The following DLGAP2 variants were observed in gnomAD, a reference collection of about 807,000 sequenced individuals.
The protein encoded by DLGAP2 is DLG associated protein 2.
A neutral mutation model predicts 100.3 loss-of-function variants in DLGAP2; 26 were observed. The ratio of observed to expected loss-of-function variants is 0.26; its 90% CI spans 0.19 to 0.36. The LOEUF (loss-of-function observed/expected upper bound fraction) is 0.36, where lower values mean the gene tolerates loss of function less well. Ranked by LOEUF, DLGAP2 falls within the 10% of genes least tolerant of loss-of-function variation. The pLI is 1.00. For synonymous variants in DLGAP2, 886 were observed against 630.1 expected (o/e 1.41, Z -6.08); for missense variants, 1,858 against 1,453.2 (o/e 1.28, Z -4.53).
intron 3 of DLGAP2, among the ~76,000 whole-genome samples, chr8:1,359,028 C>A (rs1471721309): frequency 6.6e-6 from 1 of 152,146 alleles, no homozygotes; most frequent in Non-Finnish European, 1.5e-5. Context: ...GACCCTGCCC[C>A]CAGAGCTTCG....
At position 1,304,228 on chromosome 8, in the gene DLGAP2, C is replaced by A. The variant is rs1330855585; in HGVS notation, c.106+45345C>A. Among the ~76,000 whole-genome samples the A allele has an allele frequency of 2.6e-5, 4 of 152,348 alleles. No homozygotes were observed. In the East Asian group the frequency reaches 7.7e-4, roughly 29 times the overall value. On this transcript the variant is annotated intron_variant, in intron 3 of 14. Transcript: ENST00000637795. ...GCTTTTGTGTCCACGCTGGACTCTT[C>A]CTGTAGGAGCCCTGAGCATGGGCTA... is the stretch of plus-strand genomic sequence containing the variant.
At chr8:1,010,481 A>G (rs1261082027) in intron 2 of DLGAP2, among the ~76,000 whole-genome samples, 2 of 152,352 alleles carry the variant, frequency 1.3e-5, no homozygotes, top group South Asian at 2.1e-4. Flanking sequence ...TGTGCACTCT[A>G]AAATACTACA....
At chr8:865,755 T>C (rs1453063698) in intron 1 of DLGAP2, among the ~76,000 whole-genome samples, 1 of 152,194 alleles carries the variant, frequency 6.6e-6, no homozygotes, top group African/African-American at 2.4e-5. Flanking sequence ...ATGGAGCCCT[T>C]TTCTCTCCTG....
intron 8 of DLGAP2, among the ~76,000 whole-genome samples, chr8:1,640,157 C>G (rs1339039093): frequency 6.6e-6 from 1 of 152,174 alleles, no homozygotes; most frequent in African/African-American, 2.4e-5. Context: ...CAAGGGGAAC[C>G]CATTTCTCTT....
chr8:1,186,737 C>T (rs1319426140), intron 2 of DLGAP2, among the ~76,000 whole-genome samples: 1 of 152,124 alleles, frequency 6.6e-6, no homozygotes, highest in Non-Finnish European at 1.5e-5. Context: ...GGGATAATTT[C>T]ACGTCGTCGC....
At chr8:1,108,431 G>A (rs1475534157) in intron 2 of DLGAP2, among the ~76,000 whole-genome samples, 1 of 152,198 alleles carries the variant, frequency 6.6e-6, no homozygotes, top group Non-Finnish European at 1.5e-5. Flanking sequence ...AGATGATGCT[G>A]TGAGATGTGA....
chr8:803,539 C>T (rs1196150492), intron 1 of DLGAP2, among the ~76,000 whole-genome samples: 2 of 152,038 alleles, frequency 1.3e-5, no homozygotes, highest in African/African-American at 4.8e-5. Flanking sequence ...GGAGCTGCCT[C>T]TGACGTTACC....
Position 1,214,750 on chromosome 8 carries a change from G to C in DLGAP2, c.74-44101G>C, listed in dbSNP as rs144483711. Among the ~76,000 whole-genome samples the C allele has an allele frequency of 1.1e-4, 16 of 152,364 alleles. No homozygotes were observed. The East Asian group carries it at 3.1e-3, about 29-fold the overall frequency. Reference sequence around the variant, plus strand: ...AGCAGGTGTGCCTTAAGTCTATGTAGAGTGAATGAATGCATAAATATTTTC... The same window carrying C: ...AGCAGGTGTGCCTTAAGTCTATGTACAGTGAATGAATGCATAAATATTTTC... On this transcript the variant is annotated intron_variant, in intron 2 of 14. Transcript: ENST00000637795.
chr8:1,652,109 G>T (rs771613031), intron 8 of DLGAP2, among the ~76,000 whole-genome samples: 3 of 152,206 alleles, frequency 2.0e-5, no homozygotes, highest in African/African-American at 4.8e-5. Flanking sequence ...AGAGATATTT[G>T]TGTTTCTTTC....
intron 8 of DLGAP2, among the ~76,000 whole-genome samples, chr8:1,665,574 C>T (rs560907293): frequency 2.0e-5 from 3 of 152,280 alleles, no homozygotes; most frequent in Admixed American, 6.5e-5. Flanking sequence ...TCTATATTCC[C>T]GCGTCTCTCT....
At chr8:1,390,471 C>T (rs1383886546) in intron 3 of DLGAP2, among the ~76,000 whole-genome samples, 1 of 152,192 alleles carries the variant, frequency 6.6e-6, no homozygotes, top group Non-Finnish European at 1.5e-5. Context: ...TCCAGGCCCA[C>T]CTACAAGCCC....
intron 1 of DLGAP2, among the ~76,000 whole-genome samples, chr8:860,860 A>G (rs780190654): frequency 6.6e-6 from 1 of 152,150 alleles, no homozygotes; most frequent in African/African-American, 2.4e-5. Context: ...ATACCAAATC[A>G]TGACGCCTAT....
chr8:1,234,155 C>T (rs1234727569), intron 2 of DLGAP2, among the ~76,000 whole-genome samples: 1 of 152,194 alleles, frequency 6.6e-6, no homozygotes, highest in Non-Finnish European at 1.5e-5. Context: ...TCCTGTCCTC[C>T]CTCGAAAGCG....
At chr8:1,342,687 T>C (rs1801445257) in intron 3 of DLGAP2, among the ~76,000 whole-genome samples, 1 of 152,206 alleles carries the variant, frequency 6.6e-6, no homozygotes, top group South Asian at 2.1e-4. Context: ...TAACTTTATA[T>C]TCCTCTCTTA....
chr8:1,363,227 G>T (rs1363064992), intron 3 of DLGAP2, among the ~76,000 whole-genome samples: 1 of 152,230 alleles, frequency 6.6e-6, no homozygotes, highest in Non-Finnish European at 1.5e-5. Flanking sequence ...TCACACGAAG[G>T]TACGGGCAGC....
At chr8:1,072,372 A>G (rs958544348) in intron 2 of DLGAP2, among the ~76,000 whole-genome samples, 1 of 152,184 alleles carries the variant, frequency 6.6e-6, no homozygotes, top group East Asian at 1.9e-4. Context: ...TGGTTCTCAC[A>G]TGTGGTCATC....
intron 2 of DLGAP2, among the ~76,000 whole-genome samples, chr8:983,804 C>A (rs1800410234): frequency 6.6e-6 from 1 of 151,898 alleles, no homozygotes; most frequent in African/African-American, 2.4e-5. Context: ...ATGTCACATG[C>A]CTGGCTAATT....
intron 2 of DLGAP2, among the ~76,000 whole-genome samples, chr8:1,118,953 A>G (rs1369710101): frequency 2.6e-5 from 4 of 152,252 alleles, no homozygotes; most frequent in Admixed American, 6.5e-5. Context: ...AGAATAATTT[A>G]TCGTTTGATG....
intron 3 of DLGAP2, among the ~76,000 whole-genome samples, chr8:1,350,944 C>G: frequency 7.4e-6 from 1 of 135,492 alleles, no homozygotes. Context: ...CGTGCGGGTC[C>G]TGAGTGTGTG....
Sources: gnomAD v4.1 joint callset for allele counts (sites outside exome capture counted in the v4.1 genomes callset) on GRCh38, gnomAD v4.1.1 for gene constraint, MANE v1.5 for transcripts, NCBI Gene and HGNC (gene_info 2026-07-23, HGNC 2026-07-21) for gene names.